Variants in MBD5 observed in about 807,000 individuals in gnomAD.
MBD5 encodes the protein methyl-CpG-binding domain protein 5.
A neutral mutation model predicts 117.3 loss-of-function variants in MBD5; 13 were observed. That is an observed-to-expected ratio of 0.11 (90% CI 0.07 to 0.18). The LOEUF (loss-of-function observed/expected upper bound fraction) is 0.18, where lower values mean the gene tolerates loss of function less well. Among genes scored for constraint, MBD5 ranks in the 10% least tolerant of loss-of-function variants. The pLI is 1.00. For missense variants in MBD5, 1,879 were observed against 2,093.8 expected (o/e 0.90, Z 2.00); for synonymous variants, 727 against 766.4 (o/e 0.95, Z 0.85).
rs553582122 is a variant in MBD5, at chr2:148,436,633, A to G, written c.-556-21570A>G. Among the ~76,000 whole-genome samples the G allele has an allele frequency of 2.5e-4, 38 of 152,256 alleles. 2 individuals carry two copies. Among genetic ancestry groups the G allele is most frequent in the South Asian group, 1.9e-3 (9 of 4,828 alleles). ...GTGATCTGCCTGCCTCAGCCTCCCA[A>G]AGTGCTGAGATTACAGGCGTGAGCC... On this transcript the variant is annotated intron_variant, in intron 4 of 13. Transcript: ENST00000642680.
intron 1 of MBD5, among the ~76,000 whole-genome samples, chr2:148,040,264 G>A (rs1225679499): frequency 6.6e-6 from 1 of 152,086 alleles, no homozygotes; most frequent in East Asian, 1.9e-4. Flanking sequence ...AGGAAGAGGT[G>A]GGAAGACCCC....
intron 4 of MBD5, among the ~76,000 whole-genome samples, chr2:148,404,824 CT>C (rs1705028664): frequency 6.6e-6 from 1 of 152,132 alleles, no homozygotes. Flanking sequence ...AGAGTCATTA[CT>C]TATTATTTTA....
At chr2:148,204,426 A>T (rs1275134427) in intron 2 of MBD5, among the ~76,000 whole-genome samples, 3 of 152,204 alleles carry the variant, frequency 2.0e-5, no homozygotes, top group Non-Finnish European at 2.9e-5. Context: ...AGAATGAATT[A>T]TTTAAAGATA....
At chr2:148,022,114 C>T (rs1203741285) in intron 1 of MBD5, among the ~76,000 whole-genome samples, 1 of 152,134 alleles carries the variant, frequency 6.6e-6, no homozygotes, top group East Asian at 1.9e-4. Flanking sequence ...GGGAAAATGT[C>T]GGGATCTGGA....
At chr2:148,083,357 A>C (rs962706157) in intron 1 of MBD5, among the ~76,000 whole-genome samples, 1 of 152,190 alleles carries the variant, frequency 6.6e-6, no homozygotes, top group Non-Finnish European at 1.5e-5. Flanking sequence ...GAAAGGATTG[A>C]TTACAGTTTA....
intron 3 of MBD5, among the ~76,000 whole-genome samples, chr2:148,311,383 A>T (rs1323877720): frequency 2.0e-5 from 3 of 152,148 alleles, no homozygotes; most frequent in Non-Finnish European, 4.4e-5. Context: ...TGTTGCATTG[A>T]TCCTTTTACC....
chr2:148,199,144 G>T (rs1465094251), intron 2 of MBD5, among the ~76,000 whole-genome samples: 1 of 152,160 alleles, frequency 6.6e-6, no homozygotes, highest in African/African-American at 2.4e-5. Context: ...CTGCAGTCTT[G>T]AAGCAAAATT....
At chr2:148,313,328 C>G (rs1293034208) in intron 3 of MBD5, among the ~76,000 whole-genome samples, 1 of 152,182 alleles carries the variant, frequency 6.6e-6, no homozygotes, top group Non-Finnish European at 1.5e-5. Flanking sequence ...GGGCTGCTGC[C>G]TTTCTTTCAG....
intron 4 of MBD5, chr2:148,346,696 GA>G (rs1359869784): frequency 6.6e-6 from 1 of 151,500 alleles, no homozygotes; most frequent in Non-Finnish European, 1.5e-5. Flanking sequence ...AGACTGATAA[GA>G]ATCATAATCA....
chr2:148,279,514 A>G (rs1225104088), intron 3 of MBD5, among the ~76,000 whole-genome samples: 5 of 152,226 alleles, frequency 3.3e-5, no homozygotes, highest in Non-Finnish European at 7.3e-5. Context: ...AAACATTGAG[A>G]GTAATTAATG....
At chr2:148,383,240 T>C (rs1319082135) in intron 4 of MBD5, among the ~76,000 whole-genome samples, 1 of 150,120 alleles carries the variant, frequency 6.7e-6, no homozygotes, top group African/African-American at 2.5e-5. Flanking sequence ...GAGAGAAGAA[T>C]CAAATAGATG....
intron 7 of MBD5, among the ~76,000 whole-genome samples, chr2:148,467,062 G>A (rs900483596): frequency 7.9e-5 from 12 of 152,102 alleles, no homozygotes; most frequent in Non-Finnish European, 4.4e-5. Flanking sequence ...AGGATGTATA[G>A]TTTGAATGGT....
intron 1 of MBD5, among the ~76,000 whole-genome samples, chr2:148,058,280 T>C (rs991670514): frequency 6.6e-6 from 1 of 152,074 alleles, no homozygotes; most frequent in Non-Finnish European, 1.5e-5. Flanking sequence ...TTAAGTAATG[T>C]CCATCTTTTC....
At chr2:148,107,484 A>T (rs1362083724) in intron 1 of MBD5, among the ~76,000 whole-genome samples, 3 of 151,670 alleles carry the variant, frequency 2.0e-5, no homozygotes, top group Non-Finnish European at 2.9e-5. Context: ...TAGCAATCCA[A>T]CTTAGATATA....
chr2:148,111,544 A>C (rs1223801845), intron 1 of MBD5, among the ~76,000 whole-genome samples: 2 of 152,222 alleles, frequency 1.3e-5, no homozygotes, highest in East Asian at 3.8e-4. Context: ...CTTTGCAGGC[A>C]AATGGAAAAA....
At chr2:148,364,110 C>A (rs569000199) in intron 4 of MBD5, among the ~76,000 whole-genome samples, 136 of 152,218 alleles carry the variant, frequency 8.9e-4, no homozygotes, top group African/African-American at 3.0e-3. Context: ...TCAGGTTATC[C>A]ACAAAGGGAA....
At chr2:148,428,390 G>T (rs939438612) in intron 4 of MBD5, among the ~76,000 whole-genome samples, 8 of 152,142 alleles carry the variant, frequency 5.3e-5, no homozygotes, top group African/African-American at 1.9e-4. Flanking sequence ...TAGATAGGAA[G>T]AATCAGTATC....
intron 2 of MBD5, among the ~76,000 whole-genome samples, chr2:148,200,882 CT>C (rs1243507459): frequency 1.3e-5 from 2 of 152,042 alleles, no homozygotes; most frequent in Non-Finnish European, 2.9e-5. Flanking sequence ...TATTAAGGCA[CT>C]TTTTTAAAAA....
intron 1 of MBD5, 124 bp from the exon 2 acceptor site, chr2:148,178,576 A>AT: frequency 2.6e-6 from 1 of 381,972 alleles, no homozygotes; most frequent in South Asian, 1.5e-4. Flanking sequence ...CCTATAATAC[A>AT]TCCCTTTGCC....
Sources: allele counts gnomAD v4.1 joint callset (sites outside exome capture counted in the v4.1 genomes callset), GRCh38; gene constraint gnomAD v4.1.1; transcripts MANE v1.5; gene names NCBI Gene and HGNC (gene_info 2026-07-23, HGNC 2026-07-21).